RALGAPB: variants seen among roughly 807,000 people sequenced by gnomAD.
The protein encoded by RALGAPB is Ral GTPase activating protein non-catalytic subunit beta.
RALGAPB carries 25 observed loss-of-function variants against 161.1 expected under a neutral mutation model. That is an observed-to-expected ratio of 0.16 (90% CI 0.11 to 0.22). RALGAPB has a LOEUF of 0.22. Among genes scored for constraint, RALGAPB ranks in the 10% least tolerant of loss-of-function variants. The pLI is 1.00. For missense variants in RALGAPB, 1,391 were observed against 1,815.2 expected (o/e 0.77, Z 4.25); for synonymous variants, 629 against 626.1 (o/e 1.00, Z -0.07).
rs774098002 is a variant in RALGAPB at position 38,516,310 on chromosome 20, C to G, written c.991C>G (p.Leu331Val). Reference sequence around the variant, plus strand: ...GAATCAGTATCCCTGCCTTAAACATCTGCCTCAAATATTTTTTCGTGCCAT... The same window carrying G: ...GAATCAGTATCCCTGCCTTAAACATGTGCCTCAAATATTTTTTCGTGCCAT... Reference protein sequence around the residue: ...ELNQYPCLKHLPQIFFRAMRG... With the variant: ...ELNQYPCLKHVPQIFFRAMRG... The change falls in exon 7 of 30, where the codon CTG becomes GTG. Residue 331 changes from leucine (L) to valine (V), a missense_variant. Leu to Val is a conservative substitution (Grantham distance 32). Coordinates refer to ENST00000262879, the MANE Select transcript of RALGAPB (RefSeq NM_020336.4). 6.2e-7 allele frequency: 1 copy of G among 1,614,122 alleles called. No homozygotes were observed. Among genetic ancestry groups the G allele is most frequent in the South Asian group, 1.1e-5 (1 of 91,032 alleles).
At chr20:38,540,015 T>TG in intron 17 of RALGAPB, 57 bp downstream of exon 17, 2 of 1,488,186 alleles carry the variant, frequency 1.3e-6, no homozygotes, top group Non-Finnish European at 1.8e-6. Context: ...GCTAGCAAAA[T>TG]GCCTTTTGAA....
chr20:38,517,669 C>T lies in RALGAPB; in HGVS notation c.1200+15C>T, dbSNP rs2086170856. The stretch of plus-strand genomic sequence containing the variant: ...AGACAAGCACAGTAAGAGTTTACAT[C>T]ACCATTGTTATGCTATATAAGGTTG... On this transcript the variant is annotated intron_variant, in intron 8 of 29. Transcript: ENST00000262879. 6.2e-7 allele frequency: 1 copy of T among 1,612,560 alleles called. No homozygotes were observed. The highest frequency in any genetic ancestry group is 1.7e-5 in the Admixed American group (1 of 59,692).
intron 27 of RALGAPB, 39 bp downstream of exon 27, chr20:38,570,035 T>C (rs747281758): frequency 8.6e-6 from 13 of 1,508,578 alleles, no homozygotes; most frequent in Non-Finnish European, 1.2e-5. Context: ...AAAATGGCAA[T>C]ATATGACAGT....
chr20:38,539,784 G>C lies in RALGAPB; in HGVS notation c.2388G>C (p.Val796=). The change falls in exon 17 of 30, where the codon GTG becomes GTC. Residue 796 remains valine, a synonymous_variant. Coordinates refer to ENST00000262879, the MANE Select transcript of RALGAPB (RefSeq NM_020336.4). ...CAAATGAATATGCTCAGGTAAAAGT[G>C]ATGGTTGACTCAGGAGACCGGAAGC... ...ELLSGLAKVK[V]MVDSGDRKRA... is the part of the protein sequence containing the mutation. 2 of 1,613,256 alleles carry C rather than the reference G, an allele frequency of 1.2e-6. No individual in the cohort carries two copies. Among genetic ancestry groups the C allele is most frequent in the Non-Finnish European group, 1.7e-6 (2 of 1,179,582 alleles).
At chr20:38,561,302 C>T (rs1170808041) in intron 23 of RALGAPB, among the ~76,000 whole-genome samples, 3 of 152,068 alleles carry the variant, frequency 2.0e-5, no homozygotes, top group Admixed American at 1.3e-4. Context: ...CCAGCCTGGG[C>T]GACAGAGCAA....
chr20:38,521,805 A>G (rs2086298932), intron 10 of RALGAPB, 107 bp downstream of exon 10: 4 of 1,151,516 alleles, frequency 3.5e-6, no homozygotes, highest in African/African-American at 1.6e-5. Flanking sequence ...ATACCTACAG[A>G]TGTCTGTAAG....
Position 38,532,932 on chromosome 20 carries a change from A to T in RALGAPB, c.2245+73A>T, listed in dbSNP as rs1339852811. ...ATGCTTACATTTATAAAACAAAAAC[A>T]TTAAAAATGTTAATGTTCATGTTTT... On this transcript the variant is annotated intron_variant, in intron 15 of 29. Coordinates refer to ENST00000262879, the MANE Select transcript of RALGAPB (RefSeq NM_020336.4). The T allele has an allele frequency of 1.6e-5, 23 of 1,466,024 alleles. No individual in the cohort carries two copies. In the Admixed American group the frequency reaches 4.6e-4, roughly 29 times the overall value. 90.8% of individuals were successfully genotyped at this position (1,466,024 alleles called of 1,614,324 possible).
intron 14 of RALGAPB, 123 bp downstream of exon 14, chr20:38,531,354 T>C: frequency 1.3e-6 from 1 of 777,458 alleles, no homozygotes; most frequent in Non-Finnish European, 2.1e-6. Context: ...GCTCATTGGC[T>C]CAGAAGTTTT....
intron 1 of RALGAPB, among the ~76,000 whole-genome samples, chr20:38,481,683 T>A (rs1455335239): frequency 6.6e-6 from 1 of 152,158 alleles, no homozygotes; most frequent in Non-Finnish European, 1.5e-5. Flanking sequence ...AATGTATACA[T>A]CTTAATCTCC....
intron 2 of RALGAPB, among the ~76,000 whole-genome samples, chr20:38,488,821 GT>G: frequency 6.6e-6 from 1 of 152,296 alleles, no homozygotes; most frequent in Middle Eastern, 3.4e-3. Context: ...CTCGGAGTTT[GT>G]GGAGGTTATA....
intron 22 of RALGAPB, among the ~76,000 whole-genome samples, chr20:38,554,971 C>T (rs1024280839): frequency 1.3e-5 from 2 of 152,108 alleles, no homozygotes; most frequent in Admixed American, 6.5e-5. Context: ...ATAATACTAG[C>T]TTCTCAGGAG....
intron 16 of RALGAPB, among the ~76,000 whole-genome samples, chr20:38,536,854 A>G (rs1200028978): frequency 1.3e-5 from 2 of 152,214 alleles, no homozygotes; most frequent in African/African-American, 4.8e-5. Flanking sequence ...TGTTCTTACC[A>G]CCACTTAGAG....
At chr20:38,540,353 G>A (rs991738737) in intron 17 of RALGAPB, among the ~76,000 whole-genome samples, 4 of 152,140 alleles carry the variant, frequency 2.6e-5, no homozygotes, top group African/African-American at 4.8e-5. Flanking sequence ...TGCTTCTATC[G>A]AAAAATGTTA....
chr20:38,510,724 A>G lies in RALGAPB; in HGVS notation c.872+1516A>G, dbSNP rs982513306. ...AGGAGATCGAGACCATCCCGGCTAA[A>G]ACGGTGAAACCCCGTCTCTACTAAA... On this transcript the variant is annotated intron_variant, in intron 6 of 29. Transcript: ENST00000262879. 1.6e-5 allele frequency among the ~76,000 whole-genome samples: 2 copies of G among 122,994 alleles called. 1 individual carries two copies. Among genetic ancestry groups the G allele is most frequent in the African/African-American group, 1.1e-4 (2 of 17,428 alleles). 80.7% of individuals were successfully genotyped at this position (122,994 alleles called of 152,430 possible).
chr20:38,513,003 G>A (rs1319462887), intron 6 of RALGAPB, among the ~76,000 whole-genome samples: 2 of 151,944 alleles, frequency 1.3e-5, no homozygotes, highest in Admixed American at 6.6e-5. Context: ...CTCATGATCC[G>A]CCTGCCTCGG....
intron 18 of RALGAPB, among the ~76,000 whole-genome samples, chr20:38,545,879 T>C (rs997023941): frequency 3.9e-5 from 6 of 152,204 alleles, no homozygotes; most frequent in African/African-American, 1.4e-4. Context: ...GAGCTTGCTG[T>C]GTTCCATGCA....
chr20:38,483,348 T>C lies in RALGAPB; in HGVS notation c.-30-5055T>C, dbSNP rs1200975085. Among the ~76,000 whole-genome samples the C allele has an allele frequency of 2.0e-5, 3 of 152,234 alleles. No homozygotes were observed. In the East Asian group the frequency reaches 5.8e-4, roughly 29 times the overall value. On this transcript the variant is annotated intron_variant, in intron 1 of 29. Transcript: ENST00000262879. ...TTAACCACTCTCATCTATGTTTTTA[T>C]GCTTCTCTGTAATCTCAGTGTTTAA...
At chr20:38,486,767 T>A (rs534638014) in intron 1 of RALGAPB, among the ~76,000 whole-genome samples, 15 of 152,380 alleles carry the variant, frequency 9.8e-5, no homozygotes, top group South Asian at 4.1e-4. Flanking sequence ...TGAACATTTT[T>A]AAATTTTTAT....
chr20:38,553,298 A>C (rs931263929), intron 21 of RALGAPB, among the ~76,000 whole-genome samples: 1 of 152,176 alleles, frequency 6.6e-6, no homozygotes, highest in Admixed American at 6.5e-5. Context: ...TCAGAAGGAA[A>C]GGTGGGAGAA....
Sources: gnomAD v4.1 joint callset for allele counts (sites outside exome capture counted in the v4.1 genomes callset) on GRCh38, gnomAD v4.1.1 for gene constraint, MANE v1.5 for transcripts, NCBI Gene and HGNC (gene_info 2026-07-23, HGNC 2026-07-21) for gene names.